Variants in DNAH5 observed in about 807,000 individuals in gnomAD.
DNAH5 encodes the protein dynein axonemal heavy chain 5.
Under a neutral mutation model 518.2 loss-of-function variants are expected in DNAH5, and 372 were observed. That is an observed-to-expected ratio of 0.72 (90% confidence interval 0.66 to 0.78). The LOEUF (loss-of-function observed/expected upper bound fraction) is 0.78. Ranked by LOEUF, DNAH5 falls within the 30% of genes least tolerant of loss-of-function variation. DNAH5 has a pLI of 0.00. For synonymous variants in DNAH5, 2,039 were observed against 2,025.9 expected (o/e 1.01, Z -0.17); for missense variants, 5,523 against 5,687.0 (o/e 0.97, Z 0.93).
At chr5:13,888,238 C>A (rs2151945559) in intron 17 of DNAH5, among the ~76,000 whole-genome samples, 1 of 152,280 alleles carries the variant, frequency 6.6e-6, no homozygotes, top group South Asian at 2.1e-4. Context: ...CCTCAGAAAC[C>A]AAGCCTACCC....
chr5:13,905,161 A>C (rs1437829486), intron 12 of DNAH5, among the ~76,000 whole-genome samples: 1 of 152,192 alleles, frequency 6.6e-6, no homozygotes, highest in East Asian at 1.9e-4. Context: ...CAAAATATAT[A>C]CACAGATTTT....
At chr5:13,974,620 C>T (rs532426256) in intron 1 of DNAH5, among the ~76,000 whole-genome samples, 1 of 152,318 alleles carries the variant, frequency 6.6e-6, no homozygotes, top group East Asian at 1.9e-4. Flanking sequence ...CCATCCTTCT[C>T]TATGTCCTTC....
intron 33 of DNAH5, 73 bp downstream of exon 33, chr5:13,841,619 C>T: frequency 8.2e-7 from 1 of 1,217,520 alleles, no homozygotes; most frequent in Non-Finnish European, 1.2e-6. Flanking sequence ...ATTTTTGAAG[C>T]TTACAATAGG....
Position 13,817,875 on chromosome 5 carries a change from T to C in DNAH5, c.6842-181A>G, listed in dbSNP as rs795540. Among the ~76,000 whole-genome samples the C allele has an allele frequency of 0.35, 53,297 of 152,142 alleles. 9,848 individuals are homozygous for C. The highest frequency in any genetic ancestry group is 0.47 in the Middle Eastern group (137 of 294). On this transcript the variant is annotated intron_variant, in intron 41 of 78. Transcript: ENST00000265104. The stretch of plus-strand genomic sequence containing the variant: ...CCATAATTAGCTTCATTATACTTTA[T>C]TGACTAAAGCACTTTTTTATCTTCT...
rs775125740 is a variant in DNAH5 at position 13,830,756 on chromosome 5, G to A, written c.5902C>T (p.Gln1968Ter). ...LTDRCYITLA[Q>*]ALGMSMGGAP... Reference sequence around the variant, plus strand: ...CCCCCCATGCTCATTCCCAGAGCTTGAGCCAGCGTGATGTAACATCTGCAT... The same window carrying A: ...CCCCCCATGCTCATTCCCAGAGCTTAAGCCAGCGTGATGTAACATCTGCAT... The change falls in exon 36 of 79, where the codon CAA (glutamine) becomes TAA (stop). Residue 1968 changes from glutamine to a stop codon, truncating the protein, a stop_gained. Coordinates refer to ENST00000265104, the MANE Select transcript of DNAH5 (RefSeq NM_001369.3). LOFTEE classifies it high-confidence loss of function. The A allele has an allele frequency of 1.2e-6, 2 of 1,614,110 alleles. No homozygotes were observed. Among genetic ancestry groups the A allele is most frequent in the South Asian group, 2.2e-5 (2 of 91,084 alleles).
rs190575294 is a variant in DNAH5 at position 13,696,412 on chromosome 5, G to T, written c.13723+4228C>A. 3.3e-3 allele frequency among the ~76,000 whole-genome samples: 503 copies of T among 152,188 alleles called. 1 individual carries two copies. The highest frequency in any genetic ancestry group is 5.3e-3 in the Non-Finnish European group (363 of 68,008). On this transcript the variant is annotated intron_variant, in intron 78 of 78. Coordinates refer to ENST00000265104, the MANE Select transcript of DNAH5 (RefSeq NM_001369.3). ...TTAGTACTATTTGAATGACTTTCCC[G>T]TGATTTTCTAGCAAGAAACATGATT...
intron 1 of DNAH5, among the ~76,000 whole-genome samples, chr5:13,981,500 T>A (rs1232697901): frequency 2.0e-5 from 3 of 152,140 alleles, no homozygotes; most frequent in Non-Finnish European, 2.9e-5. Flanking sequence ...TCTCTCCCCA[T>A]CCCTTGCCTG....
intron 11 of DNAH5, among the ~76,000 whole-genome samples, chr5:13,912,492 C>CTA (rs2151979113): frequency 6.7e-6 from 1 of 150,280 alleles, no homozygotes; most frequent in South Asian, 2.1e-4. Flanking sequence ...CACACACACA[C>CTA]TATATATATG....
In DNAH5 at chr5:13,770,743, A is replaced by G; in HGVS notation, c.9605+6T>C. 1 of 1,611,746 alleles carries G rather than the reference A, an allele frequency of 6.2e-7. No individual in the cohort carries two copies. Among genetic ancestry groups the G allele is most frequent in the South Asian group, 1.1e-5 (1 of 90,994 alleles). On this transcript the variant is annotated splice_donor_region_variant and intron_variant, in intron 56 of 78. Transcript: ENST00000265104. Reference sequence around the variant, plus strand: ...ATATAGCTTTGTATAAGAACATCACACTTACCTGTTGGCCAGGGTCCGCAC... The same window carrying G: ...ATATAGCTTTGTATAAGAACATCACGCTTACCTGTTGGCCAGGGTCCGCAC...
At chr5:13,744,359 G>A (rs1749038482) in intron 65 of DNAH5, among the ~76,000 whole-genome samples, 2 of 151,896 alleles carry the variant, frequency 1.3e-5, no homozygotes, top group African/African-American at 4.8e-5. Flanking sequence ...GGGTGAGAGA[G>A]GGAGAGATTT....
At chr5:13,770,245 G>T (rs1753149751) in intron 56 of DNAH5, among the ~76,000 whole-genome samples, 1 of 152,160 alleles carries the variant, frequency 6.6e-6, no homozygotes, top group South Asian at 2.1e-4. Flanking sequence ...AGAAACTTCA[G>T]GGAAGCAGGG....
At chr5:13,866,902 C>T (rs1678838845) in intron 25 of DNAH5, among the ~76,000 whole-genome samples, 1 of 152,116 alleles carries the variant, frequency 6.6e-6, no homozygotes, top group African/African-American at 2.4e-5. Context: ...AACATATTTA[C>T]ATTAGAAGAT....
At chr5:13,754,370 T>C in intron 61 of DNAH5, 32 bp from the exon 62 acceptor site, 2 of 1,613,812 alleles carry the variant, frequency 1.2e-6, no homozygotes, top group Non-Finnish European at 1.7e-6. Flanking sequence ...AGAAAGCTTT[T>C]ACTGAAATAA....
At chr5:13,844,060 A>G (rs189084508) in intron 32 of DNAH5, among the ~76,000 whole-genome samples, 29 of 152,214 alleles carry the variant, frequency 1.9e-4, no homozygotes, top group Non-Finnish European at 2.5e-4. Context: ...TTCGAATGGA[A>G]TAGCTCTAAC....
intron 1 of DNAH5, among the ~76,000 whole-genome samples, chr5:13,956,249 A>G (rs1780754083): frequency 6.6e-6 from 1 of 152,210 alleles, no homozygotes; most frequent in African/African-American, 2.4e-5. Context: ...TAATAATTAC[A>G]TTTTAGAAAT....
intron 2 of DNAH5, among the ~76,000 whole-genome samples, chr5:13,930,512 A>G (rs1344096745): frequency 3.9e-5 from 6 of 152,172 alleles, no homozygotes; most frequent in Admixed American, 3.9e-4. Context: ...TTTCTTTAAA[A>G]AATCTTCAGG....
rs150092530 is a variant in DNAH5, at chr5:13,814,892, C to T, written c.6989-46G>A. ...GAAAAAAAAAATACATACACTCATG[C>T]AGTGCATGTACACATAAGTTTAAAA... On this transcript the variant is annotated intron_variant, in intron 42 of 78. Transcript: ENST00000265104. 124 of 1,577,610 alleles carry T rather than the reference C, an allele frequency of 7.9e-5. 1 individual carries two copies. In the Admixed American group the frequency reaches 8.1e-4, roughly 10 times the overall value.
chr5:13,817,754 A>C, intron 41 of DNAH5, 60 bp from the exon 42 acceptor site: 5 of 1,541,552 alleles, frequency 3.2e-6, no homozygotes, highest in Non-Finnish European at 4.5e-6. Flanking sequence ...ATCATTAAGC[A>C]ACATTGCACT....
chr5:13,985,428 AAAATATAT>A (rs1383517983), intron 1 of DNAH5, among the ~76,000 whole-genome samples: 2 of 55,364 alleles, frequency 3.6e-5, no homozygotes, highest in Admixed American at 2.9e-4. Context: ...AAAGTATAAT[AAAATATAT>A]ATATATATAT....
Sources: allele counts gnomAD v4.1 joint callset (sites outside exome capture counted in the v4.1 genomes callset), GRCh38; gene constraint gnomAD v4.1.1; transcripts MANE v1.5; gene names NCBI Gene and HGNC (gene_info 2026-07-23, HGNC 2026-07-21).